TBCE: variants seen among roughly 807,000 people sequenced by gnomAD.
The protein encoded by TBCE is tubulin-specific chaperone E.
Under a neutral mutation model 77.0 loss-of-function variants are expected in TBCE, and 53 were observed. The ratio of observed to expected loss-of-function variants is 0.69; its 90% CI spans 0.55 to 0.87. The LOEUF (loss-of-function observed/expected upper bound fraction) is 0.87. TBCE is among the 40% of genes least tolerant of loss of function. TBCE has a pLI of 0.00. For synonymous variants in TBCE, 235 were observed against 241.3 expected (o/e 0.97, Z 0.24); for missense variants, 624 against 622.4 (o/e 1.00, Z -0.03).
In TBCE at chr1:235,407,048, C is replaced by T. The variant is rs530495037; in HGVS notation, c.185+5461C>T. 9.2e-5 allele frequency among the ~76,000 whole-genome samples: 14 copies of T among 151,792 alleles called. No individual in the cohort carries two copies. In the East Asian group the frequency reaches 1.7e-3, roughly 19 times the overall value. ...TTCTCCATGTTGGTCAGGCTGGTCT[C>T]GAACTCCCGACCTCAGGTGTTCTGC... On this transcript the variant is annotated intron_variant, in intron 3 of 16. Transcript: ENST00000642610.
intron 2 of TBCE, among the ~76,000 whole-genome samples, chr1:235,398,922 G>A (rs1678917007): frequency 6.6e-6 from 1 of 151,660 alleles, no homozygotes; most frequent in Non-Finnish European, 1.5e-5. Flanking sequence ...TGGGATCATG[G>A]GCGTGAGCTC....
intron 3 of TBCE, among the ~76,000 whole-genome samples, chr1:235,407,823 G>A (rs769936750): frequency 2.6e-4 from 39 of 152,086 alleles, no homozygotes; most frequent in Admixed American, 2.4e-3. Flanking sequence ...TTCAAATATG[G>A]TAAGTAACCT....
chr1:235,436,310 A>T, intron 9 of TBCE, 76 bp from the exon 10 acceptor site: 1 of 1,449,446 alleles, frequency 6.9e-7, no homozygotes, highest in Non-Finnish European at 9.6e-7. Flanking sequence ...AAAAAAATTT[A>T]CAAACCGAGT....
chr1:235,379,674 C>T (rs1383704263), intron 1 of TBCE, among the ~76,000 whole-genome samples: 6 of 152,050 alleles, frequency 3.9e-5, no homozygotes, highest in East Asian at 1.9e-4. Context: ...ATAGGCCAGG[C>T]GCGGTGGCTC....
intron 16 of TBCE, 71 bp from the exon 17 acceptor site, chr1:235,448,599 A>AAGAGT (rs1337290502): frequency 7.0e-7 from 1 of 1,420,664 alleles, no homozygotes; most frequent in Admixed American, 1.7e-5. Context: ...GGGGTGGGGG[A>AAGAGT]AGAGTATGTG....
At chr1:235,440,420 T>G (rs1284854450) in intron 13 of TBCE, among the ~76,000 whole-genome samples, 1 of 151,900 alleles carries the variant, frequency 6.6e-6, no homozygotes, top group Non-Finnish European at 1.5e-5. Context: ...GAGATGGTGT[T>G]TCGCTCTTGT....
At chr1:235,430,480 C>T (rs1371273950) in intron 6 of TBCE, 1 of 422,198 alleles carries the variant, frequency 2.4e-6, no homozygotes. Context: ...GTGAAAGCAT[C>T]TTTACACAGC....
chr1:235,408,113 G>A (rs3856245), intron 3 of TBCE, among the ~76,000 whole-genome samples: 111,467 of 152,166 alleles, frequency 0.73, 42,068 homozygotes, highest in African/African-American at 0.93. Context: ...TGTGTCTGTG[G>A]TAATGGACAT....
chr1:235,371,359 C>G (rs1676940368), intron 1 of TBCE, among the ~76,000 whole-genome samples: 1 of 146,274 alleles, frequency 6.8e-6, no homozygotes. Flanking sequence ...CCCGGCCACT[C>G]TTGTCTTTTT....
At chr1:235,435,247 C>T (rs1379781730) in intron 8 of TBCE, among the ~76,000 whole-genome samples, 7 of 151,822 alleles carry the variant, frequency 4.6e-5, no homozygotes, top group African/African-American at 1.7e-4. Flanking sequence ...ACTACAGGCA[C>T]GTGCCACCAT....
intron 10 of TBCE, 39 bp downstream of exon 10, chr1:235,436,489 AC>A: frequency 1.2e-6 from 2 of 1,610,730 alleles, no homozygotes; most frequent in Non-Finnish European, 1.7e-6. Flanking sequence ...GCCCCCCCAC[AC>A]TATACTTCAG....
chr1:235,440,127 C>T (rs953956364), intron 13 of TBCE, among the ~76,000 whole-genome samples: 6 of 152,042 alleles, frequency 3.9e-5, no homozygotes, highest in Non-Finnish European at 5.9e-5. Flanking sequence ...CCCACCACCA[C>T]ACCCGGCTAA....
At chr1:235,447,545 C>T (rs1024161013) in intron 15 of TBCE, among the ~76,000 whole-genome samples, 1 of 152,038 alleles carries the variant, frequency 6.6e-6, no homozygotes, top group African/African-American at 2.4e-5. Context: ...AGAATGGCGG[C>T]GCTGGAAGGG....
chr1:235,443,343 C>G (rs796304172), intron 15 of TBCE, among the ~76,000 whole-genome samples: 5 of 152,008 alleles, frequency 3.3e-5, no homozygotes, highest in Non-Finnish European at 7.4e-5. Context: ...TGGGACTACA[C>G]GTGCGAGCCA....
rs201467722 is a variant in TBCE, at chr1:235,412,812, TA to T, written c.186-1620del. Among the ~76,000 whole-genome samples, 10 of 152,242 alleles carry T rather than the reference TA, an allele frequency of 6.6e-5. No individual in the cohort carries two copies. The East Asian group carries it at 1.9e-3, about 29-fold the overall frequency. ...CATCCTTTTCAATTATTATTATTAT[TA>T]TTTTTTTGAGATGGAGTTTTGCTCT... On this transcript the variant is annotated intron_variant, in intron 3 of 16. Transcript: ENST00000642610.
chr1:235,433,919 G>T (rs1681252021), intron 7 of TBCE: 2 of 496,060 alleles, frequency 4.0e-6, no homozygotes, highest in East Asian at 3.6e-5. Flanking sequence ...AGTATCTCCT[G>T]TTCCACCTCG....
At chr1:235,371,134 G>A (rs972072886) in intron 1 of TBCE, among the ~76,000 whole-genome samples, 5 of 124,496 alleles carry the variant, frequency 4.0e-5, no homozygotes, top group African/African-American at 6.1e-5. Flanking sequence ...TTGGCTCACC[G>A]CAACCTCCGC....
At chr1:235,446,697 T>G (rs1682342150) in intron 15 of TBCE, among the ~76,000 whole-genome samples, 1 of 147,832 alleles carries the variant, frequency 6.8e-6, no homozygotes, top group African/African-American at 2.5e-5. Context: ...GTAGGCAGGT[T>G]TTTTTTTTTT....
At chr1:235,430,968 G>A (rs1681050241) in intron 7 of TBCE, among the ~76,000 whole-genome samples, 164 bp downstream of exon 7, 1 of 152,112 alleles carries the variant, frequency 6.6e-6, no homozygotes, top group African/African-American at 2.4e-5. Context: ...TTATAAAAAC[G>A]AGTTAAAAGA....
Sources: gnomAD v4.1 joint callset for allele counts (sites outside exome capture counted in the v4.1 genomes callset) on GRCh38, gnomAD v4.1.1 for gene constraint, MANE v1.5 for transcripts, NCBI Gene and HGNC (gene_info 2026-07-23, HGNC 2026-07-21) for gene names.